Variants in KCNT2 observed in about 807,000 individuals in gnomAD.
The protein encoded by KCNT2 is potassium sodium-activated channel subfamily T member 2.
Under a neutral mutation model 153.8 loss-of-function variants are expected in KCNT2, and 67 were observed. The ratio of observed to expected loss-of-function variants is 0.44; its 90% confidence interval spans 0.36 to 0.53. The LOEUF (loss-of-function observed/expected upper bound fraction) is 0.53. KCNT2 is among the 20% of genes least tolerant of loss of function. The pLI is 0.00. For synonymous variants in KCNT2, 500 were observed against 458.8 expected, an observed-to-expected ratio of 1.09 and a Z score of -1.15; for missense variants, 975 against 1,354.8, an observed-to-expected ratio of 0.72 and a Z score of 4.40.
At position 196,425,433 on chromosome 1, in the gene KCNT2, A is replaced by G. The variant is rs149782573; in HGVS notation, c.1121+419T>C. ...ATAGTGCAAGCTCTTTAAAATGTAA[A>G]CCCTAACTCACACTGCACTGGTATG... On this transcript the variant is annotated intron_variant, in intron 11 of 27. Transcript: ENST00000294725. Among the ~76,000 whole-genome samples, 7 of 151,946 alleles carry G rather than the reference A, an allele frequency of 4.6e-5. No individual in the cohort carries two copies. In the East Asian group the frequency reaches 1.4e-3, roughly 30 times the overall value.
At chr1:196,358,318 T>A (rs936346400) in intron 14 of KCNT2, among the ~76,000 whole-genome samples, 2 of 151,904 alleles carry the variant, frequency 1.3e-5, no homozygotes, top group Admixed American at 1.3e-4. Flanking sequence ...ACTCCTGTTC[T>A]GTTTGAATCT....
At chr1:196,319,159 C>A (rs1256800837) in intron 20 of KCNT2, among the ~76,000 whole-genome samples, 1 of 151,708 alleles carries the variant, frequency 6.6e-6, no homozygotes, top group African/African-American at 2.4e-5. Flanking sequence ...CAATGCATCA[C>A]AATATTGCAA....
intron 26 of KCNT2, 198 bp downstream of exon 26, chr1:196,257,996 G>C: frequency 7.2e-7 from 1 of 1,395,450 alleles, no homozygotes; most frequent in Non-Finnish European, 9.3e-7. Flanking sequence ...AGCAGACTCA[G>C]CAAACGCTGA....
chr1:196,534,171 A>C (rs1655270767), intron 1 of KCNT2, among the ~76,000 whole-genome samples: 1 of 152,172 alleles, frequency 6.6e-6, no homozygotes, highest in Non-Finnish European at 1.5e-5. Context: ...CACATATTCA[A>C]AGACTGTTCC....
chr1:196,480,707 G>A (rs1386360292), intron 4 of KCNT2, among the ~76,000 whole-genome samples: 1 of 151,222 alleles, frequency 6.6e-6, no homozygotes, highest in African/African-American at 2.4e-5. Context: ...TACAAAAAAA[G>A]TAGCCGGGCG....
intron 1 of KCNT2, among the ~76,000 whole-genome samples, chr1:196,599,644 G>A (rs1406977419): frequency 2.6e-5 from 4 of 152,172 alleles, no homozygotes; most frequent in Non-Finnish European, 5.9e-5. Context: ...AAAGAGGAAA[G>A]AGGTCAAAGA....
At chr1:196,316,090 A>G in intron 20 of KCNT2, 64 bp from the exon 21 acceptor site, 10 of 1,479,668 alleles carry the variant, frequency 6.8e-6, no homozygotes, top group Non-Finnish European at 8.4e-6. Flanking sequence ...AATCAGTGCT[A>G]AAGTCTAGCA....
chr1:196,592,091 C>A lies in KCNT2; in HGVS notation c.95+16124G>T, dbSNP rs527824352. On this transcript the variant is annotated intron_variant, in intron 1 of 27. Coordinates refer to ENST00000294725, the MANE Select transcript of KCNT2 (RefSeq NM_198503.5). ...GTGCTCTTCACACCTATGTTTGTTGCGGCACAAGATTTGGAAGCAACCCAT... is the reference window on the plus strand; with the variant it reads ...GTGCTCTTCACACCTATGTTTGTTGAGGCACAAGATTTGGAAGCAACCCAT... Among the ~76,000 whole-genome samples, 533 of 151,924 alleles carry A rather than the reference C, an allele frequency of 3.5e-3. 4 individuals carry two copies. The highest frequency in any genetic ancestry group is 6.0e-3 in the Non-Finnish European group (411 of 67,948).
chr1:196,359,535 T>C (rs1245811789), intron 14 of KCNT2, among the ~76,000 whole-genome samples: 1 of 151,998 alleles, frequency 6.6e-6, no homozygotes, highest in Admixed American at 6.6e-5. Context: ...ATTTAACTAA[T>C]ATTTGTTGAA....
chr1:196,522,992 A>G (rs747375329), intron 1 of KCNT2, among the ~76,000 whole-genome samples: 9 of 152,192 alleles, frequency 5.9e-5, no homozygotes, highest in Non-Finnish European at 1.3e-4. Flanking sequence ...GTCCCCTTCC[A>G]TGCTGTGAAA....
At chr1:196,317,594 A>G (rs1335110915) in intron 20 of KCNT2, among the ~76,000 whole-genome samples, 1 of 151,700 alleles carries the variant, frequency 6.6e-6, no homozygotes, top group Admixed American at 6.6e-5. Context: ...TTAATAAAAC[A>G]TCTCCATTAT....
chr1:196,399,626 T>C (rs1671243905), intron 12 of KCNT2, among the ~76,000 whole-genome samples: 1 of 151,744 alleles, frequency 6.6e-6, no homozygotes, highest in Non-Finnish European at 1.5e-5. Flanking sequence ...AGGGACTGTT[T>C]ATCCAAATGC....
chr1:196,500,735 A>G (rs1680633446), intron 1 of KCNT2, among the ~76,000 whole-genome samples: 1 of 152,232 alleles, frequency 6.6e-6, no homozygotes, highest in Non-Finnish European at 1.5e-5. Context: ...TCTGTACACC[A>G]AAGGAAACAA....
chr1:196,550,012 A>G (rs1321209195), intron 1 of KCNT2, among the ~76,000 whole-genome samples: 1 of 151,920 alleles, frequency 6.6e-6, no homozygotes, highest in African/African-American at 2.4e-5. Flanking sequence ...AAACGATTTA[A>G]GATCTATTCC....
At chr1:196,340,267 A>T in intron 16 of KCNT2, 74 bp downstream of exon 16, 2 of 918,428 alleles carry the variant, frequency 2.2e-6, no homozygotes, top group South Asian at 2.0e-5. Flanking sequence ...ATAAAAATTT[A>T]AATGCATTGG....
chr1:196,470,054 A>G (rs1364506957), intron 5 of KCNT2, among the ~76,000 whole-genome samples: 1 of 152,236 alleles, frequency 6.6e-6, no homozygotes, highest in Non-Finnish European at 1.5e-5. Context: ...GTCTCCATAT[A>G]CTAAGAAATT....
chr1:196,458,491 T>G (rs1355010669), intron 8 of KCNT2, among the ~76,000 whole-genome samples: 2 of 151,910 alleles, frequency 1.3e-5, no homozygotes, highest in East Asian at 3.9e-4. Context: ...ATTAGGAAGT[T>G]GAATACAAAC....
intron 25 of KCNT2, among the ~76,000 whole-genome samples, chr1:196,260,731 A>G (rs1304971922): frequency 6.6e-6 from 1 of 151,904 alleles, no homozygotes; most frequent in Non-Finnish European, 1.5e-5. Flanking sequence ...AAAGTACATT[A>G]AGTTTATATG....
intron 14 of KCNT2, among the ~76,000 whole-genome samples, chr1:196,344,852 T>A (rs1665998841): frequency 7.9e-5 from 12 of 152,142 alleles, no homozygotes; most frequent in Admixed American, 7.9e-4. Flanking sequence ...GCATCTTTTT[T>A]TAGGATGTCA....
Sources: gnomAD v4.1 joint callset for allele counts (sites outside exome capture counted in the v4.1 genomes callset) on GRCh38, gnomAD v4.1.1 for gene constraint, MANE v1.5 for transcripts, NCBI Gene and HGNC (gene_info 2026-07-23, HGNC 2026-07-21) for gene names.